The following SLCO1A2 variants were observed in gnomAD, a reference collection of about 807,000 sequenced individuals.
The protein encoded by SLCO1A2 is solute carrier organic anion transporter family member 1A2.
In SLCO1A2, 67 loss-of-function variants were observed where a neutral mutation model predicts 69.0. That is an observed-to-expected ratio of 0.97 (90% CI 0.80 to 1.19). The LOEUF is 1.19. SLCO1A2 is among the 50% of genes most tolerant of loss of function. The pLI is 0.00. For missense variants in SLCO1A2, 787 were observed against 793.7 expected, an observed-to-expected ratio of 0.99 and a Z score of 0.10; for synonymous variants, 260 against 265.9, an observed-to-expected ratio of 0.98 and a Z score of 0.22.
intron 2 of SLCO1A2, among the ~76,000 whole-genome samples, chr12:21,325,385 A>G (rs1156969223): frequency 6.6e-6 from 1 of 152,180 alleles, no homozygotes; most frequent in Non-Finnish European, 1.5e-5. Flanking sequence ...CAACCTGTAC[A>G]TTTTTATGTT....
chr12:21,301,688 C>T (rs1023382470), intron 6 of SLCO1A2, among the ~76,000 whole-genome samples: 1 of 152,182 alleles, frequency 6.6e-6, no homozygotes, highest in African/African-American at 2.4e-5. Flanking sequence ...AAAAAAGTTT[C>T]ACTCTCAGAT....
At chr12:21,389,272 A>C (rs1234846221) in intron 1 of SLCO1A2, among the ~76,000 whole-genome samples, 1 of 152,220 alleles carries the variant, frequency 6.6e-6, no homozygotes, top group East Asian at 1.9e-4. Flanking sequence ...GTATCTGGAA[A>C]TTAGCCTCTG....
At chr12:21,289,984 A>C (rs1379711171) in intron 12 of SLCO1A2, among the ~76,000 whole-genome samples, 1 of 151,226 alleles carries the variant, frequency 6.6e-6, no homozygotes, top group Non-Finnish European at 1.5e-5. Flanking sequence ...TTCTGTTTGA[A>C]TAGAGAAACC....
chr12:21,279,528 C>T (rs1181032663), intron 12 of SLCO1A2, among the ~76,000 whole-genome samples: 1 of 152,130 alleles, frequency 6.6e-6, no homozygotes, highest in Non-Finnish European at 1.5e-5. Context: ...GGAAACCTTA[C>T]AGGCCAAGAG....
chr12:21,335,898 G>A (rs1952869254), upstream of SLCO1A2, among the ~76,000 whole-genome samples: 1 of 152,158 alleles, frequency 6.6e-6, no homozygotes, highest in Admixed American at 6.6e-5. Flanking sequence ...CGTGCCTACA[G>A]AGAGTATAAA....
At chr12:21,349,393 T>C (rs1014525674) in intron 2 of SLCO1A2, among the ~76,000 whole-genome samples, 2 of 152,142 alleles carry the variant, frequency 1.3e-5, no homozygotes, top group African/African-American at 4.8e-5. Context: ...CAACAAATTC[T>C]CCATTTTCCT....
At chr12:21,361,197 A>G (rs1325993615) in intron 2 of SLCO1A2, among the ~76,000 whole-genome samples, 1 of 152,208 alleles carries the variant, frequency 6.6e-6, no homozygotes, top group African/African-American at 2.4e-5. Flanking sequence ...TTCCAGAGGA[A>G]GGATCAGACA....
At chr12:21,299,276 C>T (rs1016238470) in intron 8 of SLCO1A2, among the ~76,000 whole-genome samples, 1 of 152,052 alleles carries the variant, frequency 6.6e-6, no homozygotes, top group South Asian at 2.1e-4. Flanking sequence ...AGCATCAGTG[C>T]TCTTGAGTAC....
At chr12:21,347,335 G>A (rs12099523) in intron 2 of SLCO1A2, among the ~76,000 whole-genome samples, 13,148 of 152,088 alleles carry the variant, frequency 0.086, 995 homozygotes, top group African/African-American at 0.2. Context: ...AGAAAATAAA[G>A]TCTATTAATA....
chr12:21,415,742 T>A (rs1008579080), intron 1 of SLCO1A2, among the ~76,000 whole-genome samples: 28 of 152,130 alleles, frequency 1.8e-4, no homozygotes, highest in African/African-American at 6.5e-4. Context: ...TTCACTATAG[T>A]ATATGTGTAT....
intron 3 of SLCO1A2, among the ~76,000 whole-genome samples, chr12:21,315,849 C>T (rs151249412): frequency 2.7e-4 from 41 of 152,178 alleles, no homozygotes; most frequent in African/African-American, 7.5e-4. Flanking sequence ...TCCTTCTTCA[C>T]GTAAGAGTGA....
chr12:21,347,112 A>G (rs558124688), intron 2 of SLCO1A2, among the ~76,000 whole-genome samples: 2 of 152,296 alleles, frequency 1.3e-5, no homozygotes, highest in East Asian at 3.9e-4. Flanking sequence ...AAAGTGAAAC[A>G]ACTTTAAAGA....
intron 1 of SLCO1A2, among the ~76,000 whole-genome samples, chr12:21,408,710 A>ACGCG (rs1430236005): frequency 6.6e-5 from 7 of 106,586 alleles, no homozygotes; most frequent in East Asian, 3.9e-4. Context: ...GCCTCAGCGC[A>ACGCG]TGCGTGTGTG....
chr12:21,413,337 G>A (rs1310615738), intron 1 of SLCO1A2, among the ~76,000 whole-genome samples: 1 of 144,462 alleles, frequency 6.9e-6, no homozygotes, highest in Non-Finnish European at 1.5e-5. Flanking sequence ...CTCCTCCTGG[G>A]TTCAAGTAAT....
At chr12:21,397,429 C>G (rs377712371), upstream of SLCO1A2, among the ~76,000 whole-genome samples, 7,070 of 151,980 alleles carry the variant, frequency 0.047, 184 homozygotes, top group African/African-American at 0.061. Flanking sequence ...TAATGGGAGA[C>G]TTTAACACCC....
chr12:21,408,713 C>CGTGTGT lies in SLCO1A2; in HGVS notation c.-312+9163_-312+9168dup, dbSNP rs3060712. The stretch of plus-strand genomic sequence containing the variant: ...AGATGTTTGGCTGCCTCAGCGCATG[C>CGTGTGT]GTGTGTGTGTGTGTGTGTGTGTGTG... On this transcript the variant is annotated intron_variant, in intron 1 of 4. Coordinates refer to the SLCO1A2 transcript ENST00000413682. 1.5e-4 allele frequency among the ~76,000 whole-genome samples: 23 copies of CGTGTGT among 150,284 alleles called. No homozygotes were observed. The East Asian group carries it at 2.2e-3, about 14-fold the overall frequency.
chr12:21,333,176 C>A (rs1463646086), intron 2 of SLCO1A2, among the ~76,000 whole-genome samples: 1 of 151,974 alleles, frequency 6.6e-6, no homozygotes, highest in Non-Finnish European at 1.5e-5. Context: ...AAGTACAAAT[C>A]AAATTTGGAA....
chr12:21,368,533 C>T (rs1056782719), intron 2 of SLCO1A2, among the ~76,000 whole-genome samples: 4 of 151,752 alleles, frequency 2.6e-5, no homozygotes, highest in Non-Finnish European at 5.9e-5. Flanking sequence ...TTAAGGAATT[C>T]CCATAAATTG....
At chr12:21,295,489 T>C in intron 10 of SLCO1A2, 108 bp downstream of exon 10, 1 of 711,970 alleles carries the variant, frequency 1.4e-6, no homozygotes. Context: ...CATGGATTAC[T>C]ATCATTAACT....
Sources: gnomAD v4.1 joint callset for allele counts (sites outside exome capture counted in the v4.1 genomes callset) on GRCh38, gnomAD v4.1.1 for gene constraint, MANE v1.5 for transcripts, NCBI Gene and HGNC (gene_info 2026-07-23, HGNC 2026-07-21) for gene names.